The following MACROD2 variants were observed in gnomAD, a reference collection of about 807,000 sequenced individuals.
MACROD2 encodes mono-ADP ribosylhydrolase 2.
Under a neutral mutation model 70.4 loss-of-function variants are expected in MACROD2, and 36 were observed. The ratio of observed to expected loss-of-function variants is 0.51; its 90% CI spans 0.39 to 0.68. The LOEUF is 0.68. Among genes scored for constraint, MACROD2 ranks in the 30% least tolerant of loss-of-function variants. MACROD2 has a pLI of 0.00. For missense variants in MACROD2, 496 were observed against 538.4 expected (o/e 0.92, Z 0.78); for synonymous variants, 172 against 178.8 (o/e 0.96, Z 0.30).
At chr20:15,102,613 A>G (rs1198961323) in intron 5 of MACROD2, among the ~76,000 whole-genome samples, 1 of 151,998 alleles carries the variant, frequency 6.6e-6, no homozygotes, top group Non-Finnish European at 1.5e-5. Context: ...GTAAAACAAT[A>G]TTTTCCAAAA....
chr20:15,756,679 C>G (rs1220785521), intron 8 of MACROD2, among the ~76,000 whole-genome samples: 1 of 152,090 alleles, frequency 6.6e-6, no homozygotes, highest in Non-Finnish European at 1.5e-5. Flanking sequence ...TTTTTGCACA[C>G]AAAAATGCTT....
At chr20:14,658,707 AG>A (rs1986089759) in intron 4 of MACROD2, among the ~76,000 whole-genome samples, 1 of 152,148 alleles carries the variant, frequency 6.6e-6, no homozygotes, top group South Asian at 2.1e-4. Context: ...TCCGCCTACC[AG>A]GTTCAAGCAA....
chr20:14,460,577 T>C (rs1171421076), intron 3 of MACROD2, among the ~76,000 whole-genome samples: 13 of 152,156 alleles, frequency 8.5e-5, no homozygotes, highest in Admixed American at 5.9e-4. Flanking sequence ...AAATAACTTA[T>C]TATTTTGAGA....
chr20:14,721,943 A>G (rs2071475157), intron 5 of MACROD2, among the ~76,000 whole-genome samples: 1 of 152,172 alleles, frequency 6.6e-6, no homozygotes, highest in African/African-American at 2.4e-5. Context: ...TAGGCCCATG[A>G]CAGACTAGAA....
At chr20:14,237,693 TC>T (rs569732095) in intron 3 of MACROD2, among the ~76,000 whole-genome samples, 2 of 57,160 alleles carry the variant, frequency 3.5e-5, no homozygotes, top group Admixed American at 1.9e-4. Flanking sequence ...CCCTCTCCCC[TC>T]CCCCCCACCC....
At chr20:14,010,488 A>G (rs2052886548) in intron 2 of MACROD2, among the ~76,000 whole-genome samples, 1 of 152,134 alleles carries the variant, frequency 6.6e-6, no homozygotes, top group Non-Finnish European at 1.5e-5. Flanking sequence ...TTGCCTTTTC[A>G]TTTCTCTAAA....
chr20:15,085,182 C>A (rs2075737339), intron 5 of MACROD2, among the ~76,000 whole-genome samples: 1 of 152,050 alleles, frequency 6.6e-6, no homozygotes, highest in Non-Finnish European at 1.5e-5. Flanking sequence ...GACTGGGTAT[C>A]CTCAAGGAAA....
intron 8 of MACROD2, among the ~76,000 whole-genome samples, chr20:15,702,551 A>T (rs2050475277): frequency 2.0e-5 from 3 of 152,048 alleles, no homozygotes; most frequent in African/African-American, 7.2e-5. Context: ...TTAAGTTCTT[A>T]TAGATTCTGG....
At chr20:14,402,769 T>G (rs1232705211) in intron 3 of MACROD2, among the ~76,000 whole-genome samples, 1 of 152,188 alleles carries the variant, frequency 6.6e-6, no homozygotes, top group Non-Finnish European at 1.5e-5. Context: ...AAAGAAACCT[T>G]CTTCCTTAGA....
intron 3 of MACROD2, among the ~76,000 whole-genome samples, chr20:14,335,150 G>T (rs2082914156): frequency 6.6e-6 from 1 of 152,112 alleles, no homozygotes; most frequent in Admixed American, 6.6e-5. Flanking sequence ...TAGGGTGTGT[G>T]GCCAAGAAAA....
intron 5 of MACROD2, among the ~76,000 whole-genome samples, chr20:15,097,906 T>G (rs1275566994): frequency 6.6e-6 from 1 of 152,204 alleles, no homozygotes; most frequent in African/African-American, 2.4e-5. Context: ...ATTATGAAAT[T>G]TATGAAAGCC....
At chr20:15,279,060 A>C (rs1366661823) in intron 6 of MACROD2, among the ~76,000 whole-genome samples, 1 of 152,214 alleles carries the variant, frequency 6.6e-6, no homozygotes, top group Non-Finnish European at 1.5e-5. Context: ...AATGATAATA[A>C]AAAAGAATGT....
At chr20:15,636,953 A>T (rs1162412630) in intron 8 of MACROD2, among the ~76,000 whole-genome samples, 8 of 152,192 alleles carry the variant, frequency 5.3e-5, no homozygotes, top group African/African-American at 1.7e-4. Context: ...GGACAAACAC[A>T]GCTACTCCAG....
intron 6 of MACROD2, among the ~76,000 whole-genome samples, chr20:15,246,512 T>G (rs1454418156): frequency 6.6e-6 from 1 of 152,244 alleles, no homozygotes; most frequent in Non-Finnish European, 1.5e-5. Flanking sequence ...CTTTTTATTT[T>G]TTTTTATTAG....
intron 5 of MACROD2, among the ~76,000 whole-genome samples, chr20:14,862,690 AATATATATAAATAT>A: frequency 3.6e-5 from 2 of 55,810 alleles, no homozygotes; most frequent in Non-Finnish European, 3.6e-5. Flanking sequence ...TATATATATA[AATATATATAAATAT>A]ATATATATAT....
At chr20:14,207,422 CG>C (rs1376033882) in intron 3 of MACROD2, among the ~76,000 whole-genome samples, 2 of 152,078 alleles carry the variant, frequency 1.3e-5, no homozygotes, top group East Asian at 3.9e-4. Flanking sequence ...TCTTGACTGA[CG>C]AGGGAAGAAT....
At chr20:15,479,064 T>C (rs930442297) in intron 7 of MACROD2, among the ~76,000 whole-genome samples, 9 of 152,194 alleles carry the variant, frequency 5.9e-5, no homozygotes, top group African/African-American at 2.2e-4. Flanking sequence ...ACTTCCTTCA[T>C]GAAAGTTCTT....
chr20:14,888,074 A>C (rs1260238701), intron 5 of MACROD2: 2 of 152,100 alleles, frequency 1.3e-5, no homozygotes, highest in Non-Finnish European at 2.9e-5. Context: ...CTTTGGGATT[A>C]GTTAGTGGGT....
chr20:15,765,954 G>A (rs1233354523), intron 8 of MACROD2, among the ~76,000 whole-genome samples: 1 of 152,120 alleles, frequency 6.6e-6, no homozygotes. Context: ...ATATTCTGGA[G>A]AGAGAGAGAA....
Sources: allele counts gnomAD v4.1 joint callset (sites outside exome capture counted in the v4.1 genomes callset), GRCh38; gene constraint gnomAD v4.1.1; transcripts MANE v1.5; gene names NCBI Gene and HGNC (gene_info 2026-07-23, HGNC 2026-07-21).